The following IL13RA1 variants were observed in gnomAD, a reference collection of about 807,000 sequenced individuals.
IL13RA1 encodes interleukin-13 receptor subunit alpha-1.
Under a neutral mutation model 33.8 loss-of-function variants are expected in IL13RA1, and 14 were observed. The ratio of observed to expected loss-of-function variants is 0.41; its 90% confidence interval spans 0.27 to 0.65. The LOEUF is 0.65. Among genes scored for constraint, IL13RA1 ranks in the 30% least tolerant of loss-of-function variants. The pLI, the probability that IL13RA1 is intolerant of heterozygous loss-of-function variation, is 0.28. For missense variants in IL13RA1, 313 were observed against 327.0 expected (o/e 0.96, Z 0.33); for synonymous variants, 116 against 115.7 (o/e 1.00, Z -0.02).
chrX:118,757,524 CAAAAAA>C (rs1166805158), intron 4 of IL13RA1, among the ~76,000 whole-genome samples: 25 of 32,704 alleles, frequency 7.6e-4, no homozygotes, highest in Non-Finnish European at 1.3e-3. Flanking sequence ...GACTCTGTCT[CAAAAAA>C]AAAAAAAAAA....
chrX:118,783,813 CTTTTT>C (rs1242156990), intron 10 of IL13RA1, among the ~76,000 whole-genome samples: 2 of 99,695 alleles, frequency 2.0e-5, no homozygotes, highest in Admixed American at 2.3e-4. Flanking sequence ...TAAATTAAAA[CTTTTT>C]TTTTTTTTCT....
At chrX:118,733,617 T>G (rs1420724457) in intron 1 of IL13RA1, among the ~76,000 whole-genome samples, 1 of 112,047 alleles carries the variant, frequency 8.9e-6, no homozygotes, top group East Asian at 2.8e-4. Context: ...ACGTTTTAAT[T>G]TTTTCCATGA....
rs1387304528 is a variant in IL13RA1 at position 118,794,384 on chromosome X, T to C, written c.*2530T>C. ...TGTCAGGATGGTAATTCTTATTCTT[T>C]CGTTCAGTTAAGTTTTTCCCTTCAT... On this transcript the variant is annotated 3_prime_UTR_variant, in exon 11 of 11. Coordinates refer to ENST00000371666, the MANE Select transcript of IL13RA1 (RefSeq NM_001560.3). 1.8e-5 allele frequency: 2 copies of C among 112,601 alleles called. No homozygotes were observed. Among genetic ancestry groups the C allele is most frequent in the African/African-American group, 6.5e-5 (2 of 30,856 alleles). The allele number at this position is 112,601 out of a possible 1,213,427, so 9.3% of individuals were successfully genotyped here.
rs185591323 is a variant in IL13RA1, at chrX:118,762,872, T to C, written c.828+1583T>C. The stretch of plus-strand genomic sequence containing the variant: ...ATTTTGCCACTCAATTATTTTCTGC[T>C]GTTTAACCTATCACATGTATGCATT... On this transcript the variant is annotated intron_variant, in intron 6 of 10. Coordinates refer to ENST00000371666, the MANE Select transcript of IL13RA1 (RefSeq NM_001560.3). Among the ~76,000 whole-genome samples the C allele has an allele frequency of 2.9e-3, 330 of 112,358 alleles. 1 individual carries two copies. Among genetic ancestry groups the C allele is most frequent in the African/African-American group, 0.01 (310 of 30,967 alleles).
chrX:118,743,875 G>C (rs1012244348), intron 2 of IL13RA1, among the ~76,000 whole-genome samples: 2 of 112,174 alleles, frequency 1.8e-5, no homozygotes, highest in Non-Finnish European at 3.8e-5. Flanking sequence ...GTTGAACGTG[G>C]TGACTCATGC....
At chrX:118,752,302 T>C in intron 4 of IL13RA1, among the ~76,000 whole-genome samples, 1 of 111,368 alleles carries the variant, frequency 9.0e-6, no homozygotes, top group Admixed American at 9.6e-5. Flanking sequence ...TCTTGCAGCC[T>C]ACCATTCGCC....
intron 10 of IL13RA1, 31 bp downstream of exon 10, chrX:118,776,542 T>TG (rs1556370916): frequency 1.1e-5 from 2 of 187,317 alleles, no homozygotes; most frequent in South Asian, 7.4e-5. Context: ...GCTTGAAATG[T>TG]TTTTTTTTTT....
chrX:118,757,478 C>G (rs2017542230), intron 4 of IL13RA1, among the ~76,000 whole-genome samples: 1 of 91,527 alleles, frequency 1.1e-5, no homozygotes, highest in South Asian at 5.9e-4. Flanking sequence ...CAGCTGAGAT[C>G]GTGCCACTGT....
intron 10 of IL13RA1, among the ~76,000 whole-genome samples, chrX:118,784,117 A>ATG (rs1491096055): frequency 4.7e-5 from 1 of 21,457 alleles, no homozygotes; most frequent in Non-Finnish European, 7.9e-5. Flanking sequence ...ATACGTATAT[A>ATG]TGTATATATA....
Position 118,791,946 on chromosome X carries a change from A to C in IL13RA1, c.*92A>C, listed in dbSNP as rs929232139. On this transcript the variant is annotated 3_prime_UTR_variant, in exon 11 of 11. Coordinates refer to ENST00000371666, the MANE Select transcript of IL13RA1 (RefSeq NM_001560.3). ...CTGGGAACTTATTAAATGGAAACTG[A>C]AACTACTGCACCATTTAAAAACAGG... 2 of 482,258 alleles carry C rather than the reference A, an allele frequency of 4.1e-6. No individual in the cohort carries two copies. Among genetic ancestry groups the C allele is most frequent in the African/African-American group, 4.8e-5 (2 of 41,261 alleles). 39.7% of individuals were successfully genotyped at this position (482,258 alleles called of 1,213,427 possible). A position where few individuals can be genotyped will look rare whatever the true frequency, so the allele number is the denominator to read the frequency against.
chrX:118,727,797 C>G, intron 1 of IL13RA1, 71 bp downstream of exon 1: 1 of 482,922 alleles, frequency 2.1e-6, no homozygotes, highest in Non-Finnish European at 2.8e-6. Flanking sequence ...GCTGAAAGGC[C>G]CCGGAGGTCA....
intron 8 of IL13RA1, among the ~76,000 whole-genome samples, chrX:118,769,045 C>T (rs369040866): frequency 1.8e-5 from 2 of 112,357 alleles, no homozygotes; most frequent in Admixed American, 9.4e-5. Flanking sequence ...TGAGAGAACA[C>T]GCAATATGGG....
chrX:118,778,777 GTAT>G (rs1376168062), intron 10 of IL13RA1, among the ~76,000 whole-genome samples: 1 of 112,497 alleles, frequency 8.9e-6, no homozygotes, highest in African/African-American at 3.2e-5. Context: ...GTCAGACAAT[GTAT>G]TAAGTGCTTT....
intron 1 of IL13RA1, among the ~76,000 whole-genome samples, chrX:118,733,466 A>G (rs1005818252): frequency 6.3e-5 from 7 of 111,131 alleles, no homozygotes; most frequent in Non-Finnish European, 1.3e-4. Context: ...GCCTTTGCCT[A>G]TTTCTGAATT....
chrX:118,759,006 T>G (rs1292395486), intron 5 of IL13RA1: 1 of 112,083 alleles, frequency 8.9e-6, no homozygotes, highest in Non-Finnish European at 1.9e-5. Flanking sequence ...ATGATACTCA[T>G]AATGATCATA....
chrX:118,789,530 T>C (rs1307053092), intron 10 of IL13RA1, among the ~76,000 whole-genome samples: 1 of 112,053 alleles, frequency 8.9e-6, no homozygotes, highest in Non-Finnish European at 1.9e-5. Context: ...ATTAATTCTT[T>C]TGTGAAATTC....
chrX:118,784,974 A>AT (rs2017899779), intron 10 of IL13RA1, among the ~76,000 whole-genome samples: 1 of 109,359 alleles, frequency 9.1e-6, no homozygotes, highest in Non-Finnish European at 1.9e-5. Flanking sequence ...TGGCGTTGTG[A>AT]TTTTTTGCAG....
chrX:118,795,450 G>T (rs1603225789), downstream of IL13RA1, among the ~76,000 whole-genome samples: 1 of 110,987 alleles, frequency 9.0e-6, no homozygotes, highest in Admixed American at 9.6e-5. Context: ...TGAGGGTGCT[G>T]ATCTTGGTCA....
At chrX:118,774,419 G>A (rs1445382060) in intron 9 of IL13RA1, among the ~76,000 whole-genome samples, 7 of 111,698 alleles carry the variant, frequency 6.3e-5, no homozygotes, top group Admixed American at 1.9e-4. Flanking sequence ...AAAGTGCTGG[G>A]ATTATAGGCA....
Sources: gnomAD v4.1 joint callset for allele counts (sites outside exome capture counted in the v4.1 genomes callset) on GRCh38, gnomAD v4.1.1 for gene constraint, MANE v1.5 for transcripts, NCBI Gene and HGNC (gene_info 2026-07-23, HGNC 2026-07-21) for gene names.